DIP2C: variants seen among roughly 807,000 people sequenced by gnomAD.
DIP2C encodes the protein DIP2 acetate--CoA ligase C (putative), also known as disco-interacting protein 2 homolog C.
Under a neutral mutation model 192.4 loss-of-function variants are expected in DIP2C, and 33 were observed. That is an observed-to-expected ratio of 0.17 (90% CI 0.13 to 0.23). DIP2C has a LOEUF of 0.23. DIP2C is among the 10% of genes least tolerant of loss of function. The pLI is 1.00. For missense variants in DIP2C, 1,537 were observed against 2,110.1 expected (o/e 0.73, Z 5.32); for synonymous variants, 979 against 864.1 (o/e 1.13, Z -2.33).
intron 1 of DIP2C, among the ~76,000 whole-genome samples, chr10:585,058 C>G (rs571878343): frequency 3.3e-5 from 5 of 152,044 alleles, no homozygotes; most frequent in African/African-American, 1.2e-4. Context: ...TCAGGGCCCA[C>G]GACCTGGCCC....
chr10:610,599 G>A (rs548908636), intron 1 of DIP2C, among the ~76,000 whole-genome samples: 2 of 152,360 alleles, frequency 1.3e-5, no homozygotes, highest in East Asian at 3.9e-4. Flanking sequence ...ATAAACCAAT[G>A]ACAGAATCGT....
intron 2 of DIP2C, among the ~76,000 whole-genome samples, chr10:478,655 G>GCA (rs1186919079): frequency 2.0e-5 from 3 of 151,080 alleles, no homozygotes; most frequent in Admixed American, 6.6e-5. Flanking sequence ...CCGTGTCTGG[G>GCA]CATGCTAGGG....
At position 362,518 on chromosome 10, in the gene DIP2C, G is replaced by C; in HGVS notation, c.2766C>G (p.Asn922Lys). Reference protein sequence around the residue: ...VLMCPHTCVTNLPKPRQKQPE... With the variant: ...VLMCPHTCVTKLPKPRQKQPE... Reference sequence around the variant, plus strand: ...GCTGCTTCTGTCGAGGCTTAGGCAAGTTTGTGACGCAGGTGTGGGGGCACA... The same window carrying C: ...GCTGCTTCTGTCGAGGCTTAGGCAACTTTGTGACGCAGGTGTGGGGGCACA... The change falls in exon 22 of 37, where the codon AAC (asparagine) becomes AAG (lysine). Residue 922 changes from asparagine to lysine, a missense_variant. Transcript: ENST00000280886. The C allele has an allele frequency of 6.2e-7, 1 of 1,613,974 alleles. No homozygotes were observed. Among genetic ancestry groups the C allele is most frequent in the South Asian group, 1.1e-5 (1 of 91,076 alleles).
chr10:404,334 G>T (rs371953619), intron 9 of DIP2C, among the ~76,000 whole-genome samples: 120 of 151,578 alleles, frequency 7.9e-4, no homozygotes, highest in African/African-American at 2.8e-3. Context: ...TCAGCCTCCC[G>T]AATAGCTAGG....
chr10:587,538 C>T (rs141684279), intron 1 of DIP2C, among the ~76,000 whole-genome samples: 1 of 152,198 alleles, frequency 6.6e-6, no homozygotes, highest in Non-Finnish European at 1.5e-5. Context: ...CCCAGCTATC[C>T]TCAAGACATT....
At chr10:446,319 T>C (rs1968208958) in intron 3 of DIP2C, among the ~76,000 whole-genome samples, 1 of 151,602 alleles carries the variant, frequency 6.6e-6, no homozygotes, top group Non-Finnish European at 1.5e-5. Flanking sequence ...GAGTCTATCT[T>C]CCACTGGACA....
At chr10:514,179 C>G (rs1346583867) in intron 1 of DIP2C, among the ~76,000 whole-genome samples, 2 of 152,014 alleles carry the variant, frequency 1.3e-5, no homozygotes, top group East Asian at 3.9e-4. Flanking sequence ...ACCACAAACA[C>G]CTGCTAATAC....
chr10:281,146 T>A, intron 36 of DIP2C, 54 bp downstream of exon 36: 1 of 1,600,576 alleles, frequency 6.2e-7, no homozygotes, highest in Non-Finnish European at 8.6e-7. Context: ...ACATTCTCAA[T>A]GCTTCACAAA....
At chr10:474,369 C>T (rs2066317) in intron 2 of DIP2C, among the ~76,000 whole-genome samples, 67,707 of 152,054 alleles carry the variant, frequency 0.45, 16,402 homozygotes, top group East Asian at 0.65. Flanking sequence ...TCTTGGCTTA[C>T]AATGTACCTA....
intron 13 of DIP2C, among the ~76,000 whole-genome samples, 186 bp downstream of exon 13, chr10:389,805 G>A (rs1195043499): frequency 2.0e-5 from 3 of 152,234 alleles, no homozygotes; most frequent in African/African-American, 7.2e-5. Context: ...TGTTGAAGCC[G>A]CCCAGTCTGT....
At position 596,398 on chromosome 10, in the gene DIP2C, A is replaced by C. The variant is rs1388756315; in HGVS notation, c.85+93096T>G. ...GTAATCCCAGCTACTTGGGAGGCTA[A>C]AGGAGGAGAATCACTTGAACCTGGG... On this transcript the variant is annotated intron_variant, in intron 1 of 36. Coordinates refer to ENST00000280886, the MANE Select transcript of DIP2C (RefSeq NM_014974.3). Among the ~76,000 whole-genome samples the C allele has an allele frequency of 2.7e-5, 4 of 147,536 alleles. No individual in the cohort carries two copies. In the East Asian group the frequency reaches 8.3e-4, roughly 31 times the overall value.
At chr10:364,304 AC>A in intron 20 of DIP2C, 69 bp downstream of exon 20, 1 of 1,528,416 alleles carries the variant, frequency 6.5e-7, no homozygotes, top group East Asian at 2.3e-5. Context: ...GCAACTTTCA[AC>A]CCTTCAAAAC....
intron 28 of DIP2C, 132 bp from the exon 29 acceptor site, chr10:341,461 T>C: frequency 7.5e-7 from 1 of 1,337,062 alleles, no homozygotes; most frequent in Non-Finnish European, 1.0e-6. Context: ...CCCGGGACAA[T>C]ACGGGGCTGC....
intron 4 of DIP2C, among the ~76,000 whole-genome samples, chr10:432,121 T>C (rs1471683908): frequency 6.6e-6 from 1 of 152,206 alleles, no homozygotes; most frequent in East Asian, 1.9e-4. Context: ...AATTTGCTAA[T>C]ATTTTGTTGA....
At chr10:347,864 C>CCACACTTTCTAG (rs1564594774) in intron 26 of DIP2C, among the ~76,000 whole-genome samples, 1 of 109,880 alleles carries the variant, frequency 9.1e-6, no homozygotes, top group Non-Finnish European at 2.0e-5. Context: ...AGACGCGTCG[C>CCACACTTTCTAG]GCATAGCTCT....
At chr10:420,037 C>T (rs184665283) in intron 5 of DIP2C, among the ~76,000 whole-genome samples, 132 of 152,312 alleles carry the variant, frequency 8.7e-4, no homozygotes, top group Non-Finnish European at 1.4e-3. Flanking sequence ...ATGCGGATCG[C>T]GATCCTGAAT....
intron 24 of DIP2C, among the ~76,000 whole-genome samples, chr10:352,005 A>G (rs1231529178): frequency 6.6e-6 from 1 of 152,228 alleles, no homozygotes; most frequent in Non-Finnish European, 1.5e-5. Flanking sequence ...GAGCCCTGGC[A>G]GAATCAGCTC....
At chr10:532,081 G>A (rs1847404988) in intron 1 of DIP2C, among the ~76,000 whole-genome samples, 1 of 152,128 alleles carries the variant, frequency 6.6e-6, no homozygotes, top group African/African-American at 2.4e-5. Context: ...AATCCTAGAA[G>A]TGACTGAGTG....
At chr10:664,715 T>C (rs901001815) in intron 1 of DIP2C, 5 of 152,216 alleles carry the variant, frequency 3.3e-5, no homozygotes, top group Non-Finnish European at 2.9e-5. Context: ...AAAATGTATA[T>C]TCTGAAATAT....
Sources: gnomAD v4.1 joint callset for allele counts (sites outside exome capture counted in the v4.1 genomes callset) on GRCh38, gnomAD v4.1.1 for gene constraint, MANE v1.5 for transcripts, NCBI Gene and HGNC (gene_info 2026-07-23, HGNC 2026-07-21) for gene names.